The following SFXN1 variants were observed in gnomAD, a reference collection of about 807,000 sequenced individuals.
The protein encoded by SFXN1 is sideroflexin 1.
A neutral mutation model predicts 39.5 loss-of-function variants in SFXN1; 32 were observed. The ratio of observed to expected loss-of-function variants is 0.81; its 90% CI spans 0.61 to 1.09. The LOEUF is 1.09. Ranked by LOEUF, SFXN1 falls within the 50% of genes least tolerant of loss-of-function variation. The pLI, the probability that SFXN1 is intolerant of heterozygous loss-of-function variation, is 0.00. For missense variants in SFXN1, 402 were observed against 407.1 expected (o/e 0.99, Z 0.11); for synonymous variants, 136 against 146.5 (o/e 0.93, Z 0.52).
At chr5:175,500,178 A>G (rs1426881950) in intron 2 of SFXN1, among the ~76,000 whole-genome samples, 1 of 151,732 alleles carries the variant, frequency 6.6e-6, no homozygotes, top group Non-Finnish European at 1.5e-5. Flanking sequence ...ACAAGAGAAA[A>G]CTCTGTCTCA....
At position 175,521,366 on chromosome 5, in the gene SFXN1, T is replaced by C. The variant is rs1158682678; in HGVS notation, c.775-553T>C. Among the ~76,000 whole-genome samples, 3 of 152,264 alleles carry C rather than the reference T, an allele frequency of 2.0e-5. No homozygotes were observed. In the East Asian group the frequency reaches 5.8e-4, roughly 29 times the overall value. ...AGGTGTAAAGTGGGGTGAGGGATGG[T>C]AAGCATTTGTTGGGTTTCTGATATG... On this transcript the variant is annotated intron_variant, in intron 8 of 10. Transcript: ENST00000321442.
At position 175,528,965 on chromosome 5, in the gene SFXN1, A is replaced by G. The variant is rs1201878921; in HGVS notation, c.*2231A>G. Reference sequence around the variant, plus strand: ...GCTCCATTTCAGAATGTTAACCTCCAGTGAAGAGCTAATGACTGGTTAGAA... The same window carrying G: ...GCTCCATTTCAGAATGTTAACCTCCGGTGAAGAGCTAATGACTGGTTAGAA... On this transcript the variant is annotated 3_prime_UTR_variant, in exon 11 of 11. Transcript: ENST00000321442. The G allele has an allele frequency of 1.3e-5, 2 of 152,220 alleles. No individual in the cohort carries two copies. Among genetic ancestry groups the G allele is most frequent in the East Asian group, 3.8e-4 (2 of 5,202 alleles). 9.4% of individuals were successfully genotyped at this position (152,220 alleles called of 1,614,324 possible). A position where few individuals can be genotyped will look rare whatever the true frequency, so the allele number is the denominator to read the frequency against.
chr5:175,518,496 T>C (rs150281628), intron 8 of SFXN1, among the ~76,000 whole-genome samples: 1 of 152,130 alleles, frequency 6.6e-6, no homozygotes, highest in Non-Finnish European at 1.5e-5. Flanking sequence ...TAGCATGATA[T>C]GGGGAAGAGG....
intron 9 of SFXN1, 111 bp downstream of exon 9, chr5:175,522,079 A>G: frequency 1.1e-6 from 1 of 875,780 alleles, no homozygotes; most frequent in South Asian, 1.8e-5. Context: ...AGGCCATCTC[A>G]GAACATCTGG....
At chr5:175,495,237 G>C (rs1759813862) in intron 2 of SFXN1, among the ~76,000 whole-genome samples, 1 of 152,156 alleles carries the variant, frequency 6.6e-6, no homozygotes, top group Non-Finnish European at 1.5e-5. Flanking sequence ...ATTTATATGA[G>C]GTACCTAGAG....
intron 2 of SFXN1, among the ~76,000 whole-genome samples, chr5:175,505,673 G>C (rs1264527017): frequency 1.3e-5 from 2 of 152,020 alleles, no homozygotes; most frequent in Non-Finnish European, 2.9e-5. Context: ...GATTAAAATT[G>C]ACTGTCAAGT....
intron 1 of SFXN1, among the ~76,000 whole-genome samples, chr5:175,487,181 C>CA (rs1385784478): frequency 6.6e-6 from 1 of 152,176 alleles, no homozygotes; most frequent in African/African-American, 2.4e-5. Context: ...CACCCAGAGC[C>CA]ATGCTGAATC....
intron 10 of SFXN1, 30 bp from the exon 11 acceptor site, chr5:175,526,608 A>T (rs369423957): frequency 7.6e-6 from 12 of 1,586,132 alleles, no homozygotes; most frequent in Non-Finnish European, 8.7e-7. Context: ...CTGCCTGTGT[A>T]ATAACCCTGT....
At chr5:175,488,104 G>A (rs183474821) in intron 1 of SFXN1, among the ~76,000 whole-genome samples, 3 of 152,080 alleles carry the variant, frequency 2.0e-5, no homozygotes, top group South Asian at 2.1e-4. Flanking sequence ...CGTTCATTTC[G>A]GTCCTCTCAT....
At position 175,526,775 on chromosome 5, in the gene SFXN1, AGCTGGTGTAGCCAT is replaced by A; in HGVS notation, c.*49_*62del. On this transcript the variant is annotated 3_prime_UTR_variant, in exon 11 of 11. Coordinates refer to ENST00000321442, the MANE Select transcript of SFXN1 (RefSeq NM_022754.7). The stretch of plus-strand genomic sequence containing the variant: ...TCTGCAGCTCATTCTGCCACTGCAA[AGCTGGTGTAGCCAT>A]GCTGGTGAGAAAAATCCTGTTCAAC... 6.6e-7 allele frequency: 1 copy of A among 1,515,564 alleles called. No homozygotes were observed. The highest frequency in any genetic ancestry group is 1.4e-5 in the African/African-American group (1 of 72,776). 93.9% of individuals were successfully genotyped at this position (1,515,564 alleles called of 1,614,324 possible). A position where few individuals can be genotyped will look rare whatever the true frequency, so the allele number is the denominator to read the frequency against.
intron 2 of SFXN1, among the ~76,000 whole-genome samples, chr5:175,505,466 G>A (rs1760253042): frequency 6.6e-6 from 1 of 151,336 alleles, no homozygotes; most frequent in South Asian, 2.1e-4. Context: ...GAACCCAGGA[G>A]GCGGAGGTTG....
At chr5:175,506,738 C>T (rs1760317315) in intron 2 of SFXN1, among the ~76,000 whole-genome samples, 1 of 152,134 alleles carries the variant, frequency 6.6e-6, no homozygotes, top group South Asian at 2.1e-4. Context: ...ACAATCTCAG[C>T]TTACTGCAAC....
intron 7 of SFXN1, 60 bp downstream of exon 7, chr5:175,513,650 G>C: frequency 6.3e-7 from 1 of 1,578,564 alleles, no homozygotes; most frequent in African/African-American, 1.3e-5. Flanking sequence ...TCACGGATCC[G>C]TGAACCAGAA....
intron 2 of SFXN1, among the ~76,000 whole-genome samples, chr5:175,496,729 T>G (rs1446327321): frequency 6.6e-6 from 1 of 152,198 alleles, no homozygotes; most frequent in Non-Finnish European, 1.5e-5. Flanking sequence ...GTAATTGTAC[T>G]TACGAAATTA....
At chr5:175,487,937 T>C (rs2113268487) in intron 1 of SFXN1, among the ~76,000 whole-genome samples, 1 of 152,240 alleles carries the variant, frequency 6.6e-6, no homozygotes. Context: ...ATTGAAGAAA[T>C]ACCCAGAATT....
chr5:175,509,068 A>G lies in SFXN1; in HGVS notation c.201A>G (p.Glu67=), dbSNP rs867475021. The part of the protein sequence containing the change: ...GIVPPGLTEN[E]LWRAKYIYDS... ...TTCCTCCTGGTCTTACAGAAAATGA[A>G]TTGTGGAGAGCAAAGTACATCTATG... The change falls in exon 3 of 11, where the codon GAA becomes GAG. Residue 67 remains glutamate, a synonymous_variant. Transcript: ENST00000321442. The G allele has an allele frequency of 3.7e-6, 6 of 1,611,566 alleles. No individual in the cohort carries two copies. Among genetic ancestry groups the G allele is most frequent in the Non-Finnish European group, 5.1e-6 (6 of 1,179,286 alleles).
intron 7 of SFXN1, 99 bp downstream of exon 7, chr5:175,513,689 G>A: frequency 7.5e-7 from 1 of 1,328,142 alleles, no homozygotes; most frequent in Non-Finnish European, 1.1e-6. Flanking sequence ...ACCTCTTAGT[G>A]GAAATTGCCT....
chr5:175,526,899 G>A lies in SFXN1; in HGVS notation c.*165G>A, dbSNP rs886332856. On this transcript the variant is annotated 3_prime_UTR_variant, in exon 11 of 11. Coordinates refer to ENST00000321442, the MANE Select transcript of SFXN1 (RefSeq NM_022754.7). The stretch of plus-strand genomic sequence containing the variant: ...CTGCTACTTTAACAGAGCACCTGGC[G>A]TGGGCCAAGTGCCTGATACTCCCTT... 8.0e-6 allele frequency: 5 copies of A among 623,418 alleles called. No homozygotes were observed. Among genetic ancestry groups the A allele is most frequent in the Admixed American group, 5.9e-5 (2 of 34,056 alleles). 38.6% of individuals were successfully genotyped at this position (623,418 alleles called of 1,614,324 possible).
intron 2 of SFXN1, among the ~76,000 whole-genome samples, chr5:175,507,973 T>TAAAATTAAA (rs1477205928): frequency 8.0e-6 from 1 of 124,302 alleles, no homozygotes; most frequent in African/African-American, 3.1e-5. Context: ...ACCCTGTCTT[T>TAAAATTAAA]AAAAAAAAAA....
Sources: gnomAD v4.1 joint callset for allele counts (sites outside exome capture counted in the v4.1 genomes callset) on GRCh38, gnomAD v4.1.1 for gene constraint, MANE v1.5 for transcripts, NCBI Gene and HGNC (gene_info 2026-07-23, HGNC 2026-07-21) for gene names.